Variants in DLGAP2 observed in about 807,000 individuals in gnomAD.
DLGAP2 encodes the protein disks large-associated protein 2.
A neutral mutation model predicts 100.3 loss-of-function variants in DLGAP2; 26 were observed. The observed-to-expected ratio is 0.26, with a 90% CI of 0.19 to 0.36. The LOEUF is 0.36. DLGAP2 is among the 10% of genes least tolerant of loss of function. The pLI, the probability that DLGAP2 is intolerant of heterozygous loss-of-function variation, is 1.00. For synonymous variants in DLGAP2, 886 were observed against 630.1 expected (o/e 1.41, Z -6.08); for missense variants, 1,858 against 1,453.2 (o/e 1.28, Z -4.53).
chr8:1,591,385 G>A (rs1340256319), intron 6 of DLGAP2, among the ~76,000 whole-genome samples: 1 of 152,150 alleles, frequency 6.6e-6, no homozygotes, highest in Non-Finnish European at 1.5e-5. Context: ...AAAAGAAAGG[G>A]CCCTCCTGGT....
At chr8:850,296 G>A (rs1376141197) in intron 1 of DLGAP2, among the ~76,000 whole-genome samples, 2 of 151,960 alleles carry the variant, frequency 1.3e-5, no homozygotes, top group Non-Finnish European at 1.5e-5. Flanking sequence ...TGTGCTTTTG[G>A]AGTTTATCTC....
chr8:1,548,721 C>G lies in DLGAP2; in HGVS notation c.268C>G (p.Gln90Glu). 1 of 1,606,946 alleles carries G rather than the reference C, an allele frequency of 6.2e-7. No homozygotes were observed. The highest frequency in any genetic ancestry group is 8.5e-7 in the Non-Finnish European group (1 of 1,178,126). ...SMKGLSGSRT[Q>E]PPLCSGHTCG... ...GAAGGGCCTTTCCGGAAGTCGGACC[C>G]AGCCGCCGCTGTGTTCCGGGCACAC... is the stretch of plus-strand genomic sequence containing the variant. The change falls in exon 5 of 15, where the codon CAG becomes GAG. Residue 90 changes from glutamine (Q) to glutamate (E), a missense_variant. Physicochemically the swap from Gln to Glu is conservative, Grantham distance 29. Transcript: ENST00000637795.
intron 2 of DLGAP2, among the ~76,000 whole-genome samples, chr8:1,210,911 C>T (rs530223999): frequency 3.3e-5 from 5 of 150,390 alleles, no homozygotes; most frequent in Admixed American, 6.7e-5. Context: ...CCTCCCAGGA[C>T]GCTGCCCTTC....
At chr8:1,377,714 T>G (rs1403333148) in intron 3 of DLGAP2, among the ~76,000 whole-genome samples, 1 of 152,198 alleles carries the variant, frequency 6.6e-6, no homozygotes, top group Non-Finnish European at 1.5e-5. Context: ...AGCTCCCTCC[T>G]GTCTCCTCCC....
chr8:1,366,415 C>T (rs558660658), intron 3 of DLGAP2, among the ~76,000 whole-genome samples: 9 of 152,284 alleles, frequency 5.9e-5, no homozygotes, highest in Non-Finnish European at 1.2e-4. Flanking sequence ...GAGAACCAAG[C>T]GCACTGTGTC....
chr8:914,619 T>C (rs1297078622), intron 2 of DLGAP2, among the ~76,000 whole-genome samples: 1 of 152,256 alleles, frequency 6.6e-6, no homozygotes, highest in East Asian at 1.9e-4. Context: ...CGGGCACTTC[T>C]GTGCAGAGCA....
intron 2 of DLGAP2, among the ~76,000 whole-genome samples, chr8:1,097,743 A>C (rs1394609970): frequency 7.5e-6 from 1 of 132,992 alleles, no homozygotes; most frequent in Non-Finnish European, 1.6e-5. Context: ...TCGAGCTGGG[A>C]GCCTAGGGCA....
chr8:1,270,052 G>A (rs1315960261), intron 3 of DLGAP2, among the ~76,000 whole-genome samples: 1 of 152,106 alleles, frequency 6.6e-6, no homozygotes, highest in African/African-American at 2.4e-5. Flanking sequence ...TACAGTAGCG[G>A]GTGGTCTTTT....
chr8:1,073,514 C>T (rs535849355), intron 2 of DLGAP2, among the ~76,000 whole-genome samples: 1 of 152,124 alleles, frequency 6.6e-6, no homozygotes, highest in Non-Finnish European at 1.5e-5. Flanking sequence ...AAGAACAAAA[C>T]GGTTGATTCA....
intron 3 of DLGAP2, among the ~76,000 whole-genome samples, chr8:1,292,223 C>T (rs1800074659): frequency 6.6e-6 from 1 of 152,198 alleles, no homozygotes; most frequent in Non-Finnish European, 1.5e-5. Flanking sequence ...TGAGCTCTGT[C>T]ACCTGTACTC....
chr8:1,089,763 T>G (rs1033825539), intron 2 of DLGAP2, among the ~76,000 whole-genome samples: 13 of 152,256 alleles, frequency 8.5e-5, no homozygotes, highest in Admixed American at 7.2e-4. Flanking sequence ...CTGGAGGACA[T>G]TAAAGGACAT....
chr8:1,444,771 CT>C (rs914045708), intron 3 of DLGAP2, among the ~76,000 whole-genome samples: 3,587 of 79,916 alleles, frequency 0.045, 31 homozygotes, highest in African/African-American at 0.12. Context: ...CCAGGTCATT[CT>C]TTTTTTTTTT....
At chr8:1,678,119 G>C in intron 11 of DLGAP2, 95 bp from the exon 12 acceptor site, 1 of 1,420,252 alleles carries the variant, frequency 7.0e-7, no homozygotes. Context: ...AGGCTGTTGA[G>C]CTCAGGTGCG....
intron 3 of DLGAP2, among the ~76,000 whole-genome samples, chr8:1,303,898 T>A (rs973323999): frequency 6.6e-6 from 1 of 151,982 alleles, no homozygotes; most frequent in Admixed American, 6.6e-5. Flanking sequence ...TGGAGGGAGA[T>A]GGGATTTTGA....
chr8:1,304,540 G>A (rs1432214161), intron 3 of DLGAP2, among the ~76,000 whole-genome samples: 1 of 152,138 alleles, frequency 6.6e-6, no homozygotes, highest in African/African-American at 2.4e-5. Context: ...AACAACAGAG[G>A]GTCTGAAGCC....
At chr8:998,130 C>T (rs1245508303) in intron 2 of DLGAP2, among the ~76,000 whole-genome samples, 2 of 152,174 alleles carry the variant, frequency 1.3e-5, no homozygotes, top group Admixed American at 6.5e-5. Flanking sequence ...CACAAACATG[C>T]ATACACATGT....
intron 6 of DLGAP2, among the ~76,000 whole-genome samples, chr8:1,625,452 A>T (rs1797467327): frequency 6.6e-6 from 1 of 152,084 alleles, no homozygotes; most frequent in African/African-American, 2.4e-5. Flanking sequence ...ACCAGAGAAC[A>T]TTGATTTATT....
At chr8:890,152 T>C (rs1798005580) in intron 1 of DLGAP2, among the ~76,000 whole-genome samples, 1 of 152,164 alleles carries the variant, frequency 6.6e-6, no homozygotes, top group Non-Finnish European at 1.5e-5. Context: ...ATTTTGTTTT[T>C]TTCCGATGGG....
At chr8:1,159,898 C>A (rs565889884) in intron 2 of DLGAP2, among the ~76,000 whole-genome samples, 4 of 152,318 alleles carry the variant, frequency 2.6e-5, no homozygotes, top group African/African-American at 9.6e-5. Flanking sequence ...GCATGGACAC[C>A]AGGCTGTAGA....
Sources: allele counts gnomAD v4.1 joint callset (sites outside exome capture counted in the v4.1 genomes callset), GRCh38; gene constraint gnomAD v4.1.1; transcripts MANE v1.5; gene names NCBI Gene and HGNC (gene_info 2026-07-23, HGNC 2026-07-21).